Variants in INPP4B observed in about 807,000 individuals in gnomAD.
INPP4B encodes inositol polyphosphate-4-phosphatase type II B.
A neutral mutation model predicts 122.5 loss-of-function variants in INPP4B; 55 were observed. The observed-to-expected ratio is 0.45, with a 90% confidence interval of 0.36 to 0.56. INPP4B has a LOEUF of 0.56. Ranked by LOEUF, INPP4B falls within the 20% of genes least tolerant of loss-of-function variation. The pLI is 0.00. For missense variants in INPP4B, 1,000 were observed against 1,097.7 expected, an observed-to-expected ratio of 0.91 and a Z score of 1.26; for synonymous variants, 403 against 388.7, an observed-to-expected ratio of 1.04 and a Z score of -0.43.
chr4:142,818,828 C>A (rs542319837), intron 1 of INPP4B, among the ~76,000 whole-genome samples: 26 of 152,246 alleles, frequency 1.7e-4, no homozygotes, highest in African/African-American at 6.3e-4. Flanking sequence ...ACCCAACATT[C>A]CTGTTTTATT....
At chr4:142,391,790 G>A (rs1318213740) in intron 7 of INPP4B, among the ~76,000 whole-genome samples, 3 of 152,110 alleles carry the variant, frequency 2.0e-5, no homozygotes, top group Non-Finnish European at 2.9e-5. Flanking sequence ...ACCAATGTTT[G>A]GTTTGTCAAC....
intron 7 of INPP4B, among the ~76,000 whole-genome samples, chr4:142,395,343 T>G (rs2149048188): frequency 6.6e-6 from 1 of 152,328 alleles, no homozygotes. Context: ...CTGCTTCTGC[T>G]TAAAATATTA....
intron 2 of INPP4B, among the ~76,000 whole-genome samples, chr4:142,724,666 G>A (rs1377634559): frequency 6.6e-6 from 1 of 152,036 alleles, no homozygotes; most frequent in Non-Finnish European, 1.5e-5. Flanking sequence ...CTTGGATAGG[G>A]TGACTACCCT....
intron 3 of INPP4B, among the ~76,000 whole-genome samples, chr4:142,436,283 C>G (rs373426636): frequency 1.3e-5 from 2 of 152,306 alleles, no homozygotes; most frequent in African/African-American, 4.8e-5. Context: ...TAGAGAAAGG[C>G]GTGGCAATAG....
chr4:142,537,972 T>A (rs529136390), intron 2 of INPP4B, among the ~76,000 whole-genome samples: 316 of 152,172 alleles, frequency 2.1e-3, no homozygotes, highest in African/African-American at 7.2e-3. Context: ...AAACTCTTTT[T>A]CAAGAATATC....
chr4:142,657,501 A>G (rs1250502669), intron 2 of INPP4B, among the ~76,000 whole-genome samples: 1 of 152,214 alleles, frequency 6.6e-6, no homozygotes, highest in Non-Finnish European at 1.5e-5. Flanking sequence ...AATTGCTAGG[A>G]GTTAATTGAA....
chr4:142,583,602 A>C (rs1238225767), intron 2 of INPP4B: 1 of 152,160 alleles, frequency 6.6e-6, no homozygotes, highest in East Asian at 1.9e-4. Flanking sequence ...AAATGCAAAC[A>C]AACACTGGTG....
At chr4:142,819,925 C>G (rs757192956) in intron 1 of INPP4B, among the ~76,000 whole-genome samples, 3 of 152,038 alleles carry the variant, frequency 2.0e-5, no homozygotes, top group Non-Finnish European at 2.9e-5. Flanking sequence ...GAATCTGCCT[C>G]GAGCCGAGGC....
intron 9 of INPP4B, among the ~76,000 whole-genome samples, chr4:142,284,280 A>G (rs1752502256): frequency 6.6e-6 from 1 of 152,166 alleles, no homozygotes; most frequent in African/African-American, 2.4e-5. Context: ...GCTGATACAC[A>G]TGATCTAGCA....
At chr4:142,784,476 C>T (rs2151040303) in intron 1 of INPP4B, among the ~76,000 whole-genome samples, 1 of 151,874 alleles carries the variant, frequency 6.6e-6, no homozygotes, top group South Asian at 2.1e-4. Flanking sequence ...AACCACCACC[C>T]CAGAATTTGA....
chr4:142,451,246 GTTTTTTTTTTTTT>G (rs758479962), intron 3 of INPP4B, among the ~76,000 whole-genome samples: 3 of 97,734 alleles, frequency 3.1e-5, no homozygotes, highest in Non-Finnish European at 6.1e-5. Context: ...TGTTGCTGTT[GTTTTTTTTTTTTT>G]TTTTTTTTTG....
intron 25 of INPP4B, 191 bp from the exon 26 acceptor site, chr4:142,029,105 C>A: frequency 7.6e-7 from 1 of 1,308,012 alleles, no homozygotes; most frequent in Non-Finnish European, 9.7e-7. Context: ...CCATTATTGC[C>A]CTCTGAAAGA....
intron 18 of INPP4B, among the ~76,000 whole-genome samples, chr4:142,125,757 C>T (rs1324975193): frequency 6.6e-6 from 1 of 152,114 alleles, no homozygotes; most frequent in African/African-American, 2.4e-5. Flanking sequence ...TACTCACACA[C>T]TACTCACCAT....
chr4:142,191,956 T>G (rs1836020078), intron 15 of INPP4B, among the ~76,000 whole-genome samples: 1 of 152,086 alleles, frequency 6.6e-6, no homozygotes, highest in Admixed American at 6.6e-5. Context: ...AATTCTAACC[T>G]CCTTTAAATG....
chr4:142,708,657 G>C (rs1762747154), intron 2 of INPP4B, among the ~76,000 whole-genome samples: 1 of 152,198 alleles, frequency 6.6e-6, no homozygotes, highest in South Asian at 2.1e-4. Context: ...GTTGAGGCTT[G>C]GGAGCCTCTG....
chr4:142,083,379 A>G (rs1775124462), intron 24 of INPP4B, among the ~76,000 whole-genome samples: 1 of 152,150 alleles, frequency 6.6e-6, no homozygotes, highest in African/African-American at 2.4e-5. Flanking sequence ...CTGAGCATCA[A>G]TACTCTCTTG....
At chr4:142,182,140 C>T (rs1831055654) in intron 15 of INPP4B, among the ~76,000 whole-genome samples, 1 of 152,110 alleles carries the variant, frequency 6.6e-6, no homozygotes, top group Non-Finnish European at 1.5e-5. Context: ...AATTTTCTAG[C>T]TCTGGTTCTG....
rs1013105588 is a variant in INPP4B, at chr4:142,403,028, A to T, written c.282T>A (p.Thr94=). The T allele has an allele frequency of 5.0e-6, 8 of 1,608,558 alleles. No individual in the cohort carries two copies. In the African/African-American group the frequency reaches 1.1e-4, roughly 21 times the overall value. The change falls in exon 7 of 26, where the codon ACT becomes ACA. Residue 94 remains threonine (T), a synonymous_variant. Coordinates refer to ENST00000262992, the MANE Select transcript of INPP4B (RefSeq NM_001101669.3). ...GATACTCAGATGGGAATGTGACACCAGTCAAAAACAGTGGGTCCCTTGTTC... is the reference window on the plus strand; with the variant it reads ...GATACTCAGATGGGAATGTGACACCTGTCAAAAACAGTGGGTCCCTTGTTC... The part of the protein sequence containing the change: ...VEGTRDPLFL[T]GVTFPSEYPI...
chr4:142,261,953 T>C (rs1445058973), intron 10 of INPP4B, among the ~76,000 whole-genome samples: 2 of 152,124 alleles, frequency 1.3e-5, no homozygotes, highest in African/African-American at 2.4e-5. Context: ...CTCTTAAAAT[T>C]TGATGTTCTC....
Sources: gnomAD v4.1 joint callset for allele counts (sites outside exome capture counted in the v4.1 genomes callset) on GRCh38, gnomAD v4.1.1 for gene constraint, MANE v1.5 for transcripts, NCBI Gene and HGNC (gene_info 2026-07-23, HGNC 2026-07-21) for gene names.